INPP5D: variants seen among roughly 807,000 people sequenced by gnomAD.
INPP5D encodes the protein inositol polyphosphate-5-phosphatase D.
A neutral mutation model predicts 122.9 loss-of-function variants in INPP5D; 33 were observed. The ratio of observed to expected loss-of-function variants is 0.27; its 90% CI spans 0.20 to 0.36. The LOEUF is 0.36. INPP5D is among the 10% of genes least tolerant of loss of function. The pLI is 1.00. For missense variants in INPP5D, 1,053 were observed against 1,412.7 expected, an observed-to-expected ratio of 0.75 and a Z score of 4.08; for synonymous variants, 584 against 576.2, an observed-to-expected ratio of 1.01 and a Z score of -0.19.
At chr2:233,134,606 G>A (rs1693417175) in intron 5 of INPP5D, among the ~76,000 whole-genome samples, 1 of 152,180 alleles carries the variant, frequency 6.6e-6, no homozygotes, top group Admixed American at 6.5e-5. Flanking sequence ...GGCAAGATTT[G>A]CAACCCCAGG....
In INPP5D at chr2:233,197,135, G is replaced by A. The variant is rs563909553; in HGVS notation, c.2694-960G>A. ...ACAAGGTACAGCTCGGAACCAGGCTGGCAGAGCACATGGGAGCTGTGGAGT... is the reference window on the plus strand; with the variant it reads ...ACAAGGTACAGCTCGGAACCAGGCTAGCAGAGCACATGGGAGCTGTGGAGT... On this transcript the variant is annotated intron_variant, in intron 24 of 26. Transcript: ENST00000445964. The surrounding 1 kb of genome is among the most constrained non-coding windows in gnomAD (Gnocchi z 4.4). Among the ~76,000 whole-genome samples, 14 of 152,356 alleles carry A rather than the reference G, an allele frequency of 9.2e-5. No homozygotes were observed. The highest frequency in any genetic ancestry group is 3.1e-4 in the African/African-American group (13 of 41,584).
intron 11 of INPP5D, among the ~76,000 whole-genome samples, chr2:233,162,520 T>TTATA (rs10542310): frequency 0.34 from 51,627 of 150,854 alleles, 10,937 homozygotes; most frequent in Non-Finnish European, 0.48. Flanking sequence ...TATTGTGTAT[T>TTATA]TACTAAACAC....
At chr2:233,084,355 A>G (rs1273011253) in intron 2 of INPP5D, among the ~76,000 whole-genome samples, 1 of 152,094 alleles carries the variant, frequency 6.6e-6, no homozygotes, top group African/African-American at 2.4e-5. Context: ...ATGCCCAGCC[A>G]CACTCCCAGG....
chr2:233,133,191 C>G (rs904380262), intron 5 of INPP5D, among the ~76,000 whole-genome samples: 1 of 152,154 alleles, frequency 6.6e-6, no homozygotes, highest in Non-Finnish European at 1.5e-5. Flanking sequence ...CCTCGGCCCC[C>G]CAAAGTGCTG....
chr2:233,154,299 C>A (rs1332505251), intron 9 of INPP5D, among the ~76,000 whole-genome samples: 1 of 152,188 alleles, frequency 6.6e-6, no homozygotes, highest in African/African-American at 2.4e-5. Context: ...TAGGCATGCA[C>A]CACCATGCCC....
At chr2:233,145,273 C>A in intron 6 of INPP5D, 1 of 456,208 alleles carries the variant, frequency 2.2e-6, no homozygotes, top group Middle Eastern at 3.3e-4. Context: ...ACTAGCTGTG[C>A]GACCTCAGAC....
At chr2:233,110,155 G>C (rs1442818343) in intron 2 of INPP5D, among the ~76,000 whole-genome samples, 1 of 150,456 alleles carries the variant, frequency 6.6e-6, no homozygotes, top group South Asian at 2.1e-4. Flanking sequence ...AGGTTCAAGC[G>C]ATTCTCATGC....
At chr2:233,113,281 C>G (rs1041167273) in intron 2 of INPP5D, among the ~76,000 whole-genome samples, 1 of 152,182 alleles carries the variant, frequency 6.6e-6, no homozygotes, top group African/African-American at 2.4e-5. Flanking sequence ...TCCCCACTGG[C>G]TCTGCAGCCT....
intron 2 of INPP5D, among the ~76,000 whole-genome samples, chr2:233,102,012 T>C (rs61591958): frequency 0.057 from 8,703 of 151,956 alleles, 298 homozygotes; most frequent in East Asian, 0.16. Flanking sequence ...TGGCTCTCAC[T>C]GACTGGGAGC....
In INPP5D at chr2:233,082,522, G is replaced by A. The variant is rs976881230; in HGVS notation, c.198+3124G>A. Reference sequence around the variant, plus strand: ...CTGAAATTTTGCCAAGTGAAGCACCGAAAGGCTTTCATTGTTTCTTAGTTT... The same window carrying A: ...CTGAAATTTTGCCAAGTGAAGCACCAAAAGGCTTTCATTGTTTCTTAGTTT... On this transcript the variant is annotated intron_variant, in intron 2 of 26. Coordinates refer to ENST00000445964, the MANE Select transcript of INPP5D (RefSeq NM_001017915.3). This position sits in a 1 kb window ranked among gnomAD's most constrained non-coding sequence, Gnocchi z 4.7. Among the ~76,000 whole-genome samples the A allele has an allele frequency of 3.9e-5, 6 of 152,158 alleles. No homozygotes were observed. The highest frequency in any genetic ancestry group is 4.8e-5 in the African/African-American group (2 of 41,424).
Position 233,182,398 on chromosome 2 carries a change from C to T in INPP5D, c.2072-12C>T, listed in dbSNP as rs897738952. On this transcript the variant is annotated splice_polypyrimidine_tract_variant and intron_variant, in intron 18 of 26. Transcript: ENST00000445964. The stretch of plus-strand genomic sequence containing the variant: ...TCCTTCCCTGCTTAAAAATGCCTTC[C>T]CTCCCCTGCAGGCAGTACCAGCGAC... 8 of 1,613,330 alleles carry T rather than the reference C, an allele frequency of 5.0e-6. No homozygotes were observed. The highest frequency in any genetic ancestry group is 1.7e-4 in the Middle Eastern group (1 of 6,060).
intron 13 of INPP5D, among the ~76,000 whole-genome samples, chr2:233,165,960 G>A (rs1417425069): frequency 6.6e-6 from 1 of 152,122 alleles, no homozygotes; most frequent in Non-Finnish European, 1.5e-5. Context: ...TGGAGTCAGT[G>A]GAGTCAGGAA....
chr2:233,081,939 T>C (rs1177383320), intron 2 of INPP5D, among the ~76,000 whole-genome samples: 2 of 152,142 alleles, frequency 1.3e-5, no homozygotes, highest in African/African-American at 4.8e-5. Context: ...ATGAATCGGC[T>C]GTCTTGGAGC....
chr2:233,169,357 G>T lies in INPP5D; in HGVS notation c.1608G>T (p.Gly536=). The change falls in exon 14 of 27, where the codon GGG becomes GGT. Residue 536 remains glycine, a synonymous_variant. Transcript: ENST00000445964. ...TCATGTTCAATGGAACCTCCTTAGGGTTCGTCAACAGCCACTTGACTTCAG... is the reference window on the plus strand; with the variant it reads ...TCATGTTCAATGGAACCTCCTTAGGTTTCGTCAACAGCCACTTGACTTCAG... The part of the protein sequence containing the change: ...VSFMFNGTSL[G]FVNSHLTSGS... The T allele has an allele frequency of 1.2e-6, 2 of 1,605,594 alleles. No individual in the cohort carries two copies. Among genetic ancestry groups the T allele is most frequent in the African/African-American group, 1.3e-5 (1 of 74,920 alleles).
chr2:233,127,128 G>A (rs1297082700), intron 4 of INPP5D, among the ~76,000 whole-genome samples: 2 of 152,188 alleles, frequency 1.3e-5, no homozygotes, highest in African/African-American at 2.4e-5. Context: ...TGGTTATGGG[G>A]TTCTGCCTCA....
chr2:233,093,171 A>G (rs564933860), intron 2 of INPP5D, among the ~76,000 whole-genome samples: 1 of 152,200 alleles, frequency 6.6e-6, no homozygotes, highest in South Asian at 2.1e-4. Context: ...TTGGACAGAG[A>G]AGGATTACGG....
intron 6 of INPP5D, chr2:233,140,964 A>G (rs1384060333): frequency 6.6e-6 from 1 of 152,234 alleles, no homozygotes; most frequent in Non-Finnish European, 1.5e-5. Context: ...AAGGCGTTCA[A>G]CCTCACCTTG....
chr2:233,083,773 CTGGAGTGGCCTCAGACG>C (rs1214964043), intron 2 of INPP5D, among the ~76,000 whole-genome samples: 2 of 152,266 alleles, frequency 1.3e-5, no homozygotes, highest in Admixed American at 1.3e-4. Flanking sequence ...CCAGGGAGGC[CTGGAGTGGCCTCAGACG>C]TGTCGCATAA....
At chr2:233,065,580 CTTCTTTCTTTCT>C (rs66533229) in intron 1 of INPP5D, among the ~76,000 whole-genome samples, 501 of 13,210 alleles carry the variant, frequency 0.038, 82 homozygotes, top group Admixed American at 0.061. Flanking sequence ...TCTTTCTTTC[CTTCTTTCTTTCT>C]TTCTTTCTTT....
Sources: allele counts gnomAD v4.1 joint callset (sites outside exome capture counted in the v4.1 genomes callset), GRCh38; gene constraint gnomAD v4.1.1; non-coding constraint Gnocchi (gnomAD v3.1); transcripts MANE v1.5; gene names NCBI Gene and HGNC (gene_info 2026-07-23, HGNC 2026-07-21).